Variants in PCDHGA1 observed in about 807,000 individuals in gnomAD.
PCDHGA1 encodes the protein protocadherin gamma subfamily A, 1, also known as protocadherin gamma-A1.
In PCDHGA1, 32 loss-of-function variants were observed where a neutral mutation model predicts 58.0. That is an observed-to-expected ratio of 0.55 (90% confidence interval 0.42 to 0.74). The LOEUF (loss-of-function observed/expected upper bound fraction) is 0.74. Among genes scored for constraint, PCDHGA1 ranks in the 30% least tolerant of loss-of-function variants. The probability of loss-of-function intolerance (pLI) is 0.00; values close to 1 mark genes in which losing one functional copy is unlikely to be tolerated. For synonymous variants in PCDHGA1, 498 were observed against 501.1 expected, an observed-to-expected ratio of 0.99 and a Z score of 0.08; for missense variants, 1,205 against 1,182.3, an observed-to-expected ratio of 1.02 and a Z score of -0.28.
At chr5:141,350,978 AG>A in intron 1 of PCDHGA1, 1 of 1,614,074 alleles carries the variant, frequency 6.2e-7, no homozygotes, top group South Asian at 1.1e-5. Flanking sequence ...TCCCGTGTTT[AG>A]CCAGGAGGTA....
intron 1 of PCDHGA1, chr5:141,405,443 A>G (rs2154536495): frequency 7.2e-7 from 1 of 1,381,938 alleles, no homozygotes; most frequent in Non-Finnish European, 1.0e-6. Flanking sequence ...TTTTTGAGAC[A>G]GAGTCTTACT....
intron 1 of PCDHGA1, among the ~76,000 whole-genome samples, chr5:141,449,674 TA>T (rs2154562752): frequency 6.6e-6 from 1 of 151,604 alleles, no homozygotes; most frequent in African/African-American, 2.4e-5. Context: ...AGTGTGTATG[TA>T]TATATGTTTG....
rs200072718 is a variant in PCDHGA1 at position 141,389,516 on chromosome 5, G to C, written c.2421+56411G>C. 4,499 of 1,613,168 alleles carry C rather than the reference G, an allele frequency of 2.8e-3. 16 individuals are homozygous for C. Among genetic ancestry groups the C allele is most frequent in the Non-Finnish European group, 3.4e-3 (4,037 of 1,179,766 alleles). The stretch of plus-strand genomic sequence containing the variant: ...GCTCGCCAGCGCTCAGCGCGAACGT[G>C]AGCCTGCGCGTGTTAGTGGACGACC... On this transcript the variant is annotated intron_variant, in intron 1 of 3. Coordinates refer to ENST00000517417, the MANE Select transcript of PCDHGA1 (RefSeq NM_018912.3).
chr5:141,417,001 ATAAT>A (rs2096073629), intron 1 of PCDHGA1: 2 of 150,812 alleles, frequency 1.3e-5, no homozygotes, highest in Non-Finnish European at 1.5e-5. Flanking sequence ...TTCATCTCAA[ATAAT>A]TCTATTATTT....
Position 141,415,174 on chromosome 5 carries a change from G to C in PCDHGA1, c.2422-79633G>C, listed in dbSNP as rs1368688199. ...CTCCGCCACTGTCACGCTCACCGTG[G>C]CCGTGGCCGACAGCATCCCCCAAGT... On this transcript the variant is annotated intron_variant, in intron 1 of 3. Transcript: ENST00000517417. 4 of 1,613,784 alleles carry C rather than the reference G, an allele frequency of 2.5e-6. No homozygotes were observed. The African/African-American group carries it at 4.0e-5, about 16-fold the overall frequency.
rs117623972 is a variant in PCDHGA1 at position 141,503,322 on chromosome 5, C to T, written c.2481-2071C>T. On this transcript the variant is annotated intron_variant, in intron 2 of 3. Transcript: ENST00000517417. Reference sequence around the variant, plus strand: ...GCTCAAGAAAGAATTGTTGGAGGGGCGCGGTGGCTCACGCCTGTAATTCCA... The same window carrying T: ...GCTCAAGAAAGAATTGTTGGAGGGGTGCGGTGGCTCACGCCTGTAATTCCA... Among the ~76,000 whole-genome samples, 216 of 152,126 alleles carry T rather than the reference C, an allele frequency of 1.4e-3. 8 individuals carry two copies. In the East Asian group the frequency reaches 0.038, roughly 27 times the overall value.
intron 1 of PCDHGA1, chr5:141,374,479 A>T (rs756371683): frequency 1.2e-6 from 2 of 1,611,840 alleles, no homozygotes; most frequent in Non-Finnish European, 1.7e-6. Flanking sequence ...ATACACCCCG[A>T]TTCTTAAAGG....
chr5:141,479,466 C>G (rs1004384273), intron 1 of PCDHGA1: 1 of 152,224 alleles, frequency 6.6e-6, no homozygotes, highest in Non-Finnish European at 1.5e-5. Flanking sequence ...AATACAGTGA[C>G]CTCTTGGGAG....
At position 141,389,670 on chromosome 5, in the gene PCDHGA1, T is replaced by A. The variant is rs2091868205; in HGVS notation, c.2421+56565T>A. 3 of 1,612,454 alleles carry A rather than the reference T, an allele frequency of 1.9e-6. No homozygotes were observed. The East Asian group carries it at 6.7e-5, about 36-fold the overall frequency. On this transcript the variant is annotated intron_variant, in intron 1 of 3. Transcript: ENST00000517417. The stretch of plus-strand genomic sequence containing the variant: ...CAAGGTAGTGGCGGTGGACGCAGAC[T>A]CAGGACACAACGCCTGGCTGTCCTA...
Position 141,330,526 on chromosome 5 carries a change from C to T in PCDHGA1, c.-159C>T. ...CTCGTGCCTCTTAGAACCTCCATAA[C>T]CGCCAGATTGAAAACTGACTGTCCA... On this transcript the variant is annotated 5_prime_UTR_variant, in exon 1 of 4. Transcript: ENST00000517417. The T allele has an allele frequency of 2.9e-6, 2 of 699,780 alleles. No individual in the cohort carries two copies. Among genetic ancestry groups the T allele is most frequent in the East Asian group, 2.7e-5 (1 of 37,148 alleles). 43.3% of individuals were successfully genotyped at this position (699,780 alleles called of 1,614,324 possible).
chr5:141,347,616 G>C (rs1322206941), intron 1 of PCDHGA1, among the ~76,000 whole-genome samples: 1 of 152,010 alleles, frequency 6.6e-6, no homozygotes, highest in Non-Finnish European at 1.5e-5. Flanking sequence ...GTGAAAGCCT[G>C]TCTCTACTAA....
At chr5:141,403,150 C>G (rs1420317278) in intron 1 of PCDHGA1, 2 of 1,614,046 alleles carry the variant, frequency 1.2e-6, no homozygotes, top group Non-Finnish European at 1.7e-6. Flanking sequence ...GAGTCCGCAT[C>G]GTCTCTAGAG....
chr5:141,394,741 T>G (rs767167411), intron 1 of PCDHGA1: 5 of 1,613,414 alleles, frequency 3.1e-6, no homozygotes, highest in Non-Finnish European at 4.2e-6. Context: ...CAGAGCCTCG[T>G]GGTGGCCGTC....
At position 141,388,702 on chromosome 5, in the gene PCDHGA1, T is replaced by G. The variant is rs201901866; in HGVS notation, c.2421+55597T>G. 3.2e-3 allele frequency: 5,096 copies of G among 1,613,936 alleles called. 17 individuals are homozygous for G. The highest frequency in any genetic ancestry group is 8.9e-3 in the Middle Eastern group (54 of 6,062). On this transcript the variant is annotated intron_variant, in intron 1 of 3. Coordinates refer to ENST00000517417, the MANE Select transcript of PCDHGA1 (RefSeq NM_018912.3). ...ACTGCCACGGACCAGGATGAGGGTG[T>G]CAATGCCGAGATTACTTTCTCTTTC...
chr5:141,422,838 C>T (rs201218542), intron 1 of PCDHGA1: 182 of 1,614,252 alleles, frequency 1.1e-4, no homozygotes, highest in Middle Eastern at 1.6e-4. Context: ...TAGCACGTGA[C>T]AGCGGGGACC....
At chr5:141,399,927 G>A (rs918358571) in intron 1 of PCDHGA1, 7 of 1,612,226 alleles carry the variant, frequency 4.3e-6, no homozygotes, top group Non-Finnish European at 5.1e-6. Flanking sequence ...ACGCCTGGCT[G>A]TCCTACCACG....
At position 141,511,855 on chromosome 5, in the gene PCDHGA1, ATTGT is replaced by A. The variant is rs2099883980; in HGVS notation, c.*686_*689del. ...GGACCAGTCTTCTGTTTTGTTTTTCATTGTTTGACGTTTCCACTGCATGCCTTGA... is the reference window on the plus strand; with the variant it reads ...GGACCAGTCTTCTGTTTTGTTTTTCATTGACGTTTCCACTGCATGCCTTGA... On this transcript the variant is annotated 3_prime_UTR_variant, in exon 4 of 4. Coordinates refer to ENST00000517417, the MANE Select transcript of PCDHGA1 (RefSeq NM_018912.3). 1 of 156,316 alleles carries A rather than the reference ATTGT, an allele frequency of 6.4e-6. No individual in the cohort carries two copies. Among genetic ancestry groups the A allele is most frequent in the South Asian group, 2.0e-4 (1 of 5,082 alleles). The allele number at this position is 156,316 out of a possible 1,614,324, so 9.7% of individuals were successfully genotyped here.
intron 1 of PCDHGA1, chr5:141,376,159 C>G: frequency 6.2e-7 from 1 of 1,614,084 alleles, no homozygotes; most frequent in Non-Finnish European, 8.5e-7. Context: ...TCACTCTGTA[C>G]CTGGTGGTGG....
intron 1 of PCDHGA1, among the ~76,000 whole-genome samples, chr5:141,437,457 T>C (rs527469937): frequency 7.2e-5 from 11 of 152,358 alleles, no homozygotes; most frequent in Non-Finnish European, 1.5e-4. Flanking sequence ...GAGGAGACTA[T>C]ACTATACTTT....
Sources: allele counts gnomAD v4.1 joint callset (sites outside exome capture counted in the v4.1 genomes callset), GRCh38; gene constraint gnomAD v4.1.1; transcripts MANE v1.5; gene names NCBI Gene and HGNC (gene_info 2026-07-23, HGNC 2026-07-21).